Variants in NAALADL2 observed in about 807,000 individuals in gnomAD.
NAALADL2 encodes the protein inactive N-acetylated-alpha-linked acidic dipeptidase-like protein 2.
A neutral mutation model predicts 87.2 loss-of-function variants in NAALADL2; 76 were observed. The observed-to-expected ratio is 0.87, with a 90% CI of 0.72 to 1.05. The LOEUF (loss-of-function observed/expected upper bound fraction) is 1.05. NAALADL2 is among the 50% of genes least tolerant of loss of function. NAALADL2 has a pLI of 0.00. For synonymous variants in NAALADL2, 354 were observed against 331.0 expected (o/e 1.07, Z -0.75); for missense variants, 1,089 against 945.8 (o/e 1.15, Z -1.99).
intron 2 of NAALADL2, among the ~76,000 whole-genome samples, chr3:174,608,351 C>T (rs528779031): frequency 6.6e-6 from 1 of 151,890 alleles, no homozygotes; most frequent in Non-Finnish European, 1.5e-5. Context: ...ACACAAAAAA[C>T]CCTTCAAAAA....
chr3:175,734,773 C>T (rs1319272627), intron 11 of NAALADL2, among the ~76,000 whole-genome samples: 1 of 152,130 alleles, frequency 6.6e-6, no homozygotes, highest in Non-Finnish European at 1.5e-5. Context: ...GCAGAGGGAC[C>T]CTGGGCCTGG....
intron 6 of NAALADL2, among the ~76,000 whole-genome samples, chr3:175,451,147 A>G (rs1184280298): frequency 6.6e-6 from 1 of 152,262 alleles, no homozygotes; most frequent in East Asian, 1.9e-4. Context: ...TATATGAGTC[A>G]ATACATTACT....
At chr3:175,771,867 A>C (rs1749531731) in intron 13 of NAALADL2, among the ~76,000 whole-genome samples, 1 of 152,208 alleles carries the variant, frequency 6.6e-6, no homozygotes, top group African/African-American at 2.4e-5. Context: ...TGGAGGCCTC[A>C]GGAAACTTAT....
At chr3:174,510,665 T>C (rs1368952806) in intron 1 of NAALADL2, among the ~76,000 whole-genome samples, 1 of 151,994 alleles carries the variant, frequency 6.6e-6, no homozygotes, top group Non-Finnish European at 1.5e-5. Context: ...TTTTTTGATT[T>C]TCTGTATTGT....
At chr3:174,974,364 A>C (rs568688702) in intron 1 of NAALADL2, among the ~76,000 whole-genome samples, 1 of 152,278 alleles carries the variant, frequency 6.6e-6, no homozygotes, top group South Asian at 2.1e-4. Context: ...TTTGTCCAAT[A>C]AATTTTTTGA....
chr3:175,185,925 T>C (rs990695982), intron 2 of NAALADL2, among the ~76,000 whole-genome samples: 6 of 151,988 alleles, frequency 3.9e-5, no homozygotes, highest in African/African-American at 1.4e-4. Context: ...CACATACTTA[T>C]TGCTTTTAAT....
chr3:175,560,259 TG>T (rs578155621), intron 9 of NAALADL2, among the ~76,000 whole-genome samples: 10 of 152,316 alleles, frequency 6.6e-5, no homozygotes, highest in Admixed American at 2.6e-4. Flanking sequence ...TGTAAATTTC[TG>T]TAGTATTAGT....
chr3:174,900,709 T>C (rs777758647), intron 1 of NAALADL2, among the ~76,000 whole-genome samples: 6 of 151,894 alleles, frequency 4.0e-5, no homozygotes, highest in Non-Finnish European at 8.8e-5. Context: ...AACATAAAAA[T>C]AACTAAATTT....
intron 1 of NAALADL2, among the ~76,000 whole-genome samples, chr3:174,927,029 G>GAAAA (rs552773959): frequency 2.0e-5 from 2 of 99,142 alleles, no homozygotes. Context: ...AGCAAATGAA[G>GAAAA]AAAAAAAAAA....
chr3:174,982,341 T>G (rs1326732512), intron 1 of NAALADL2, among the ~76,000 whole-genome samples: 2 of 152,062 alleles, frequency 1.3e-5, no homozygotes, highest in African/African-American at 4.8e-5. Context: ...ATAATCAATT[T>G]TTAGCAGTAT....
intron 1 of NAALADL2, among the ~76,000 whole-genome samples, chr3:174,937,816 A>G (rs1480113137): frequency 2.0e-5 from 3 of 152,056 alleles, no homozygotes; most frequent in Non-Finnish European, 2.9e-5. Context: ...TTCTTTTTAT[A>G]TGAGTATTAT....
intron 10 of NAALADL2, among the ~76,000 whole-genome samples, chr3:175,607,288 A>G (rs1281418799): frequency 1.3e-5 from 2 of 152,322 alleles, no homozygotes; most frequent in East Asian, 3.9e-4. Context: ...ATTCATTGTT[A>G]CATTTTATTG....
At chr3:174,826,049 C>T (rs1354558692) in intron 3 of NAALADL2, among the ~76,000 whole-genome samples, 1 of 149,332 alleles carries the variant, frequency 6.7e-6, no homozygotes, top group Non-Finnish European at 1.5e-5. Context: ...ACAACAACAA[C>T]AACGACAACA....
intron 3 of NAALADL2, among the ~76,000 whole-genome samples, chr3:174,844,942 G>T (rs1379761073): frequency 7.2e-6 from 1 of 138,590 alleles, no homozygotes; most frequent in African/African-American, 2.7e-5. Context: ...CAGGCAGAAA[G>T]CTCTCTCTGC....
intron 11 of NAALADL2, among the ~76,000 whole-genome samples, chr3:175,722,740 A>G (rs1244195931): frequency 6.6e-6 from 1 of 152,158 alleles, no homozygotes; most frequent in Non-Finnish European, 1.5e-5. Flanking sequence ...TGATAGGATT[A>G]AATTAAATCA....
At chr3:174,650,360 A>G (rs538274201) in intron 2 of NAALADL2, among the ~76,000 whole-genome samples, 33 of 152,270 alleles carry the variant, frequency 2.2e-4, no homozygotes, top group African/African-American at 7.2e-4. Context: ...TTCTTTTCTT[A>G]GAAATCCACA....
intron 3 of NAALADL2, among the ~76,000 whole-genome samples, chr3:174,788,730 A>G (rs1033838488): frequency 3.3e-5 from 5 of 152,168 alleles, no homozygotes; most frequent in African/African-American, 4.8e-5. Flanking sequence ...GAATAAGGAA[A>G]AAGAGGTGAT....
rs757043022 is a variant in NAALADL2, at chr3:175,025,223, G to A, written c.44-71567G>A. On this transcript the variant is annotated intron_variant, in intron 1 of 13. Coordinates refer to ENST00000454872, the MANE Select transcript of NAALADL2 (RefSeq NM_207015.3). ...GTGTGACAAGGGTTTGAATGTTTAC[G>A]GTTGAGCAGCAGGCATATGAAAAAA... 1.9e-4 allele frequency among the ~76,000 whole-genome samples: 29 copies of A among 151,992 alleles called. 1 individual carries two copies. The highest frequency in any genetic ancestry group is 1.6e-3 in the Admixed American group (25 of 15,224).
At chr3:175,010,901 T>G (rs1452872409) in intron 1 of NAALADL2, among the ~76,000 whole-genome samples, 1 of 152,156 alleles carries the variant, frequency 6.6e-6, no homozygotes, top group African/African-American at 2.4e-5. Flanking sequence ...TTCTCACATA[T>G]AATCTACATG....
Sources: gnomAD v4.1 joint callset for allele counts (sites outside exome capture counted in the v4.1 genomes callset) on GRCh38, gnomAD v4.1.1 for gene constraint, MANE v1.5 for transcripts, NCBI Gene and HGNC (gene_info 2026-07-23, HGNC 2026-07-21) for gene names.